PLA2G4C: variants seen among roughly 807,000 people sequenced by gnomAD.
PLA2G4C encodes cytosolic phospholipase A2 gamma.
Under a neutral mutation model 73.8 loss-of-function variants are expected in PLA2G4C, and 64 were observed. The observed-to-expected ratio is 0.87, with a 90% CI of 0.71 to 1.07. The LOEUF (loss-of-function observed/expected upper bound fraction) is 1.07, where lower values mean the gene tolerates loss of function less well. Ranked by LOEUF, PLA2G4C falls within the 50% of genes least tolerant of loss-of-function variation. PLA2G4C has a pLI of 0.00. For synonymous variants in PLA2G4C, 254 were observed against 252.1 expected (o/e 1.01, Z -0.07); for missense variants, 622 against 665.4 (o/e 0.93, Z 0.72).
At chr19:48,101,528 G>A (rs1178742546) in intron 4 of PLA2G4C, among the ~76,000 whole-genome samples, 2 of 151,968 alleles carry the variant, frequency 1.3e-5, no homozygotes. Context: ...TAGCTCTTGA[G>A]CCCCTGAAGT....
Position 48,077,766 on chromosome 19 carries a change from C to T in PLA2G4C, c.898+5G>A. ...TAGGGATTCATGGCAAAGTAGGATG[C>T]TTACCTTCTGGGGGAGGATGTTCCC... On this transcript the variant is annotated splice_donor_5th_base_variant and intron_variant, in intron 11 of 16. Transcript: ENST00000599921. 6.2e-7 allele frequency: 1 copy of T among 1,604,240 alleles called. No homozygotes were observed.
chr19:48,105,924 TCC>T (rs2032190325), intron 2 of PLA2G4C, among the ~76,000 whole-genome samples: 16 of 22,214 alleles, frequency 7.2e-4, no homozygotes, highest in Admixed American at 1.8e-3. Flanking sequence ...CCTCCCTCCC[TCC>T]CTCCCTCCCT....
intron 2 of PLA2G4C, among the ~76,000 whole-genome samples, chr19:48,106,091 G>A (rs1483134463): frequency 2.0e-5 from 3 of 146,658 alleles, no homozygotes; most frequent in East Asian, 2.0e-4. Flanking sequence ...CCACCTCCCC[G>A]GTTCAACAAT....
In PLA2G4C at chr19:48,072,343, G is replaced by C. The variant is rs12977878; in HGVS notation, c.1006+2424C>G. The C allele has an allele frequency of 0.45, 68,956 of 151,792 alleles. 15,853 individuals carry two copies. The highest frequency in any genetic ancestry group is 0.48 in the South Asian group (2,276 of 4,788). The allele number at this position is 151,792 out of a possible 1,614,324, so 9.4% of individuals were successfully genotyped here. On this transcript the variant is annotated intron_variant, in intron 12 of 16. Transcript: ENST00000599921. The surrounding 1 kb of genome is among the most constrained non-coding windows in gnomAD (Gnocchi z 4.4). ...GACTACAGGTGCACGCACCACCATG[G>C]CCGGCTAGGATGCATGTTCTCATTT...
chr19:48,108,137 C>T (rs1003500866), intron 1 of PLA2G4C, among the ~76,000 whole-genome samples: 4 of 152,102 alleles, frequency 2.6e-5, no homozygotes, highest in Non-Finnish European at 4.4e-5. Flanking sequence ...TACGATCTCT[C>T]GTCTCCGCAC....
chr19:48,092,691 C>CAT (rs2031374501), intron 7 of PLA2G4C, among the ~76,000 whole-genome samples: 2 of 152,182 alleles, frequency 1.3e-5, no homozygotes, highest in African/African-American at 2.4e-5. Flanking sequence ...ATTTACATGT[C>CAT]ATACTCAGAG....
chr19:48,057,478 TTCTTC>T (rs1967992076), intron 14 of PLA2G4C, among the ~76,000 whole-genome samples: 2 of 51,112 alleles, frequency 3.9e-5, no homozygotes, highest in Non-Finnish European at 6.6e-5. Context: ...CTTCTTCTTC[TTCTTC>T]TTTTTTTTTT....
chr19:48,110,554 C>CTTGGGCTCCGGAATCCGGTGCGGAGGA lies in PLA2G4C; in HGVS notation c.-101_-100insTCCTCCGCACCGGATTCCGGAGCCCAA. On this transcript the variant is annotated 5_prime_UTR_variant, in exon 1 of 17. Coordinates refer to ENST00000599921, the MANE Select transcript of PLA2G4C (RefSeq NM_003706.3). Reference sequence around the variant, plus strand: ...TGTGCTCCGGAATCCGGTGCGGAGGCTTGGGCTCCCTGCGCTTAGCGGTGT... The same window carrying CTTGGGCTCCGGAATCCGGTGCGGAGGA: ...TGTGCTCCGGAATCCGGTGCGGAGGCTTGGGCTCCGGAATCCGGTGCGGAGGATTGGGCTCCCTGCGCTTAGCGGTGT... 2 of 1,489,870 alleles carry CTTGGGCTCCGGAATCCGGTGCGGAGGA rather than the reference C, an allele frequency of 1.3e-6. No homozygotes were observed. Among genetic ancestry groups the CTTGGGCTCCGGAATCCGGTGCGGAGGA allele is most frequent in the Non-Finnish European group, 1.8e-6 (2 of 1,118,878 alleles). The allele number at this position is 1,489,870 out of a possible 1,614,324, so 92.3% of individuals were successfully genotyped here.
chr19:48,102,857 C>T (rs1186396220), intron 4 of PLA2G4C, among the ~76,000 whole-genome samples: 1 of 152,206 alleles, frequency 6.6e-6, no homozygotes, highest in East Asian at 1.9e-4. Flanking sequence ...GTCGCCCTCT[C>T]CATGAGGCAG....
intron 3 of PLA2G4C, among the ~76,000 whole-genome samples, chr19:48,105,096 A>AAG (rs1313664825): frequency 6.8e-6 from 1 of 146,710 alleles, no homozygotes; most frequent in Non-Finnish European, 1.5e-5. Flanking sequence ...AAAAAAAAAA[A>AAG]AAAAAAAAGA....
At chr19:48,093,948 C>T (rs1012233094) in intron 7 of PLA2G4C, among the ~76,000 whole-genome samples, 2 of 152,152 alleles carry the variant, frequency 1.3e-5, no homozygotes, top group Non-Finnish European at 2.9e-5. Context: ...TCTTTCTTCC[C>T]TTTCACCTTC....
chr19:48,091,061 T>C (rs932989252), intron 7 of PLA2G4C, among the ~76,000 whole-genome samples: 4 of 151,296 alleles, frequency 2.6e-5, no homozygotes, highest in African/African-American at 7.3e-5. Flanking sequence ...TCCCGTGGTG[T>C]GGAGGAGTTC....
At chr19:48,107,017 G>T (rs2032269972) in intron 1 of PLA2G4C, among the ~76,000 whole-genome samples, 1 of 152,046 alleles carries the variant, frequency 6.6e-6, no homozygotes, top group Non-Finnish European at 1.5e-5. Flanking sequence ...GCTAATTTTT[G>T]TATTTTTAGT....
intron 4 of PLA2G4C, among the ~76,000 whole-genome samples, chr19:48,101,424 C>G (rs969290872): frequency 6.6e-6 from 1 of 151,666 alleles, no homozygotes; most frequent in Non-Finnish European, 1.5e-5. Flanking sequence ...TGTGAGCCAC[C>G]GTGCCCGGGC....
At chr19:48,080,484 T>C (rs918073429) in intron 10 of PLA2G4C, among the ~76,000 whole-genome samples, 5 of 152,218 alleles carry the variant, frequency 3.3e-5, no homozygotes, top group Middle Eastern at 3.4e-3. Flanking sequence ...ACTGGGTATC[T>C]ACCCAAAGGA....
intron 9 of PLA2G4C, among the ~76,000 whole-genome samples, chr19:48,085,480 C>T (rs1288546842): frequency 6.6e-6 from 1 of 152,166 alleles, no homozygotes; most frequent in African/African-American, 2.4e-5. Flanking sequence ...GGAGGTCAAG[C>T]TCTGGCCCAT....
intron 14 of PLA2G4C, among the ~76,000 whole-genome samples, chr19:48,058,126 C>T (rs527807962): frequency 2.6e-5 from 4 of 151,658 alleles, no homozygotes; most frequent in African/African-American, 9.7e-5. Flanking sequence ...TGGAGCAATC[C>T]CATCTCTACT....
intron 10 of PLA2G4C, among the ~76,000 whole-genome samples, chr19:48,083,177 C>T (rs2030718460): frequency 1.3e-5 from 2 of 152,094 alleles, no homozygotes; most frequent in South Asian, 2.1e-4. Flanking sequence ...TAAGAGGACA[C>T]TCCCATGTGT....
At chr19:48,054,480 T>G (rs1475206855) in intron 15 of PLA2G4C, among the ~76,000 whole-genome samples, 8 of 150,740 alleles carry the variant, frequency 5.3e-5, no homozygotes, top group Admixed American at 1.3e-4. Context: ...TTTATTTTTT[T>G]TTGTTGTTGT....
Sources: gnomAD v4.1 joint callset for allele counts (sites outside exome capture counted in the v4.1 genomes callset) on GRCh38, gnomAD v4.1.1 for gene constraint, Gnocchi (gnomAD v3.1) non-coding constraint, MANE v1.5 for transcripts, NCBI Gene and HGNC (gene_info 2026-07-23, HGNC 2026-07-21) for gene names.